CSMD2: variants seen among roughly 807,000 people sequenced by gnomAD.
The protein encoded by CSMD2 is CUB and Sushi multiple domains 2.
CSMD2 carries 130 observed loss-of-function variants against 398.5 expected under a neutral mutation model. The ratio of observed to expected loss-of-function variants is 0.33; its 90% CI spans 0.28 to 0.38. The LOEUF (loss-of-function observed/expected upper bound fraction) is 0.38. CSMD2 is among the 10% of genes least tolerant of loss of function. CSMD2 has a pLI of 1.00. For missense variants in CSMD2, 3,829 were observed against 4,764.9 expected (o/e 0.80, Z 5.78); for synonymous variants, 1,828 against 1,908.5 (o/e 0.96, Z 1.10).
chr1:34,165,675 G>C, upstream of CSMD2: 6 of 1,441,098 alleles, frequency 4.2e-6, no homozygotes, highest in Non-Finnish European at 5.9e-6. Context: ...CCTCTTCCAC[G>C]TTTGGAAATT....
chr1:33,603,803 C>T (rs1293690526), intron 42 of CSMD2, among the ~76,000 whole-genome samples: 2 of 152,184 alleles, frequency 1.3e-5, no homozygotes, highest in Non-Finnish European at 2.9e-5. Flanking sequence ...TATTTATACT[C>T]AGACCTAAGG....
intron 36 of CSMD2, among the ~76,000 whole-genome samples, chr1:33,623,051 T>C (rs1641875099): frequency 6.6e-6 from 1 of 152,232 alleles, no homozygotes; most frequent in Non-Finnish European, 1.5e-5. Flanking sequence ...CTTCCATTTA[T>C]ATGAAATGCC....
Position 33,714,760 on chromosome 1 carries a change from G to C in CSMD2, c.3233C>G (p.Pro1078Arg), listed in dbSNP as rs756512180. 100 of 1,614,002 alleles carry C rather than the reference G, an allele frequency of 6.2e-5. No homozygotes were observed. The highest frequency in any genetic ancestry group is 8.1e-5 in the Non-Finnish European group (95 of 1,180,036). ...NITFSEYDLE[P>R]CEEPEVPAYS... Reference sequence around the variant, plus strand: ...GGCTGGGACCTCGGGCTCCTCACAGGGCTCCAAGTCGTACTCTGGAAAGGT... The same window carrying C: ...GGCTGGGACCTCGGGCTCCTCACAGCGCTCCAAGTCGTACTCTGGAAAGGT... Residue 1078 changes from proline to arginine, a missense_variant, in exon 21 of 71, where the codon CCC becomes CGC. Physicochemically the swap from Pro to Arg is moderately radical, Grantham distance 103. Coordinates refer to ENST00000373381, the MANE Select transcript of CSMD2 (RefSeq NM_001281956.2).
chr1:33,972,968 T>C (rs1422614174), intron 3 of CSMD2, among the ~76,000 whole-genome samples: 4 of 152,192 alleles, frequency 2.6e-5, no homozygotes, highest in African/African-American at 9.7e-5. Flanking sequence ...GCTTCTCCCT[T>C]GCAGACTGAG....
At chr1:34,122,796 G>A (rs1379588850) in intron 1 of CSMD2, among the ~76,000 whole-genome samples, 1 of 152,192 alleles carries the variant, frequency 6.6e-6, no homozygotes, top group Non-Finnish European at 1.5e-5. Flanking sequence ...GAGAGGTGAA[G>A]GGCATCTTAC....
At chr1:33,677,703 C>G (rs1644764317) in intron 25 of CSMD2, among the ~76,000 whole-genome samples, 1 of 151,920 alleles carries the variant, frequency 6.6e-6, no homozygotes, top group Non-Finnish European at 1.5e-5. Flanking sequence ...GACTTGGAAC[C>G]AACCCAGATG....
intron 46 of CSMD2, among the ~76,000 whole-genome samples, chr1:33,585,402 G>A (rs1454737767): frequency 1.3e-5 from 2 of 152,196 alleles, no homozygotes; most frequent in African/African-American, 2.4e-5. Context: ...CAGCACGGGG[G>A]CTGGGCTCCT....
At chr1:34,005,802 C>T (rs1346589751) in intron 3 of CSMD2, among the ~76,000 whole-genome samples, 2 of 152,206 alleles carry the variant, frequency 1.3e-5, no homozygotes, top group Non-Finnish European at 2.9e-5. Context: ...GATTTGTATT[C>T]TAGCAGAGCC....
intron 57 of CSMD2, among the ~76,000 whole-genome samples, chr1:33,545,078 C>T (rs1356952827): frequency 6.6e-6 from 1 of 152,126 alleles, no homozygotes; most frequent in African/African-American, 2.4e-5. Context: ...TGCTGCCTGG[C>T]CATTACACAC....
At chr1:33,579,092 C>T (rs1001500381) in intron 48 of CSMD2, among the ~76,000 whole-genome samples, 6 of 152,128 alleles carry the variant, frequency 3.9e-5, no homozygotes, top group African/African-American at 1.2e-4. Context: ...TTCTACGTGG[C>T]ATATGTATTG....
intron 3 of CSMD2, among the ~76,000 whole-genome samples, chr1:33,964,185 G>A (rs1645472769): frequency 6.6e-6 from 1 of 152,206 alleles, no homozygotes; most frequent in Non-Finnish European, 1.5e-5. Flanking sequence ...AGGCGCTGCA[G>A]CAAGACTGTC....
rs1057470359 is a variant in CSMD2, at chr1:33,635,723, T to C, written c.4970-393A>G. Among the ~76,000 whole-genome samples the C allele has an allele frequency of 1.3e-5, 2 of 152,156 alleles. No individual in the cohort carries two copies. Among genetic ancestry groups the C allele is most frequent in the Non-Finnish European group, 2.9e-5 (2 of 68,024 alleles). On this transcript the variant is annotated intron_variant, in intron 30 of 70. Coordinates refer to ENST00000373381, the MANE Select transcript of CSMD2 (RefSeq NM_001281956.2). The surrounding 1 kb of genome is among the most constrained non-coding windows in gnomAD (Gnocchi z 5.0). ...CCTGGACAGTGAGTGTCAGTGTGAATAGGGAGCTGAAGCTTCCCCGGACTA... is the reference window on the plus strand; with the variant it reads ...CCTGGACAGTGAGTGTCAGTGTGAACAGGGAGCTGAAGCTTCCCCGGACTA...
intron 1 of CSMD2, among the ~76,000 whole-genome samples, chr1:34,114,897 T>G (rs749291446): frequency 1.1e-4 from 16 of 152,068 alleles, no homozygotes; most frequent in Non-Finnish European, 5.9e-5. Context: ...AACAAAAAGT[T>G]AGAAACTATA....
intron 5 of CSMD2, chr1:33,863,530 A>C (rs1639708492): frequency 6.6e-6 from 1 of 152,200 alleles, no homozygotes; most frequent in African/African-American, 2.4e-5. Flanking sequence ...TCAGGTTTTA[A>C]ATTAGACAAC....
At chr1:34,026,348 A>G (rs1276399514) in intron 3 of CSMD2, among the ~76,000 whole-genome samples, 1 of 152,212 alleles carries the variant, frequency 6.6e-6, no homozygotes, top group East Asian at 1.9e-4. Flanking sequence ...AAATAAGGGT[A>G]CCTCATCCTT....
chr1:33,905,500 C>T (rs1441860400), intron 5 of CSMD2, among the ~76,000 whole-genome samples: 4 of 152,118 alleles, frequency 2.6e-5, no homozygotes, highest in South Asian at 2.1e-4. Flanking sequence ...AGGTTGCTGT[C>T]AATTTTAGCA....
intron 2 of CSMD2, among the ~76,000 whole-genome samples, chr1:34,063,030 G>T (rs534996164): frequency 1.3e-5 from 2 of 152,018 alleles, no homozygotes; most frequent in Non-Finnish European, 2.9e-5. Flanking sequence ...CGGAAACCCC[G>T]ATAAAACCAT....
At chr1:33,991,010 G>A in intron 3 of CSMD2, among the ~76,000 whole-genome samples, 1 of 146,214 alleles carries the variant, frequency 6.8e-6, no homozygotes, top group Admixed American at 6.9e-5. Context: ...TGGGTGTTTT[G>A]GGTTTTTTTT....
At chr1:33,564,618 G>A (rs1658880841) in intron 53 of CSMD2, among the ~76,000 whole-genome samples, 1 of 152,152 alleles carries the variant, frequency 6.6e-6, no homozygotes, top group Non-Finnish European at 1.5e-5. Flanking sequence ...GCCCAGGCTT[G>A]TTTCAAATTC....
Sources: gnomAD v4.1 joint callset for allele counts (sites outside exome capture counted in the v4.1 genomes callset) on GRCh38, gnomAD v4.1.1 for gene constraint, Gnocchi (gnomAD v3.1) non-coding constraint, MANE v1.5 for transcripts, NCBI Gene and HGNC (gene_info 2026-07-23, HGNC 2026-07-21) for gene names.